The following SDC3 variants were observed in gnomAD, a reference collection of about 807,000 sequenced individuals.
SDC3 encodes syndecan-3.
In SDC3, 13 loss-of-function variants were observed where a neutral mutation model predicts 24.4. The observed-to-expected ratio is 0.53, with a 90% CI of 0.35 to 0.85. SDC3 has a LOEUF of 0.85. Among genes scored for constraint, SDC3 ranks in the 40% least tolerant of loss-of-function variants. The pLI, the probability that SDC3 is intolerant of heterozygous loss-of-function variation, is 0.01. For synonymous variants in SDC3, 295 were observed against 260.9 expected (o/e 1.13, Z -1.26); for missense variants, 571 against 584.5 (o/e 0.98, Z 0.24).
rs1160736377 is a variant in SDC3 at position 30,876,997 on chromosome 1, G to C, written c.425C>G (p.Pro142Arg). Residue 142 changes from proline (P) to arginine (R), a missense_variant, in exon 3 of 5, where the codon CCC becomes CGC. This residue lies in a region of SDC3 where 497 missense variants were observed against 471.6 expected (regional missense o/e 1.05). Transcript: ENST00000339394. The part of the protein sequence containing the change: ...ERPTLEPATS[P>R]LVVTEVPEEP... ...TTCCGGGACTTCTGTCACCACCAGG[G>C]GGCTGGTGGCTGGCTCCAGGGTGGG... 1 of 1,613,376 alleles carries C rather than the reference G, an allele frequency of 6.2e-7. No individual in the cohort carries two copies. Among genetic ancestry groups the C allele is most frequent in the East Asian group, 2.2e-5 (1 of 44,868 alleles).
chr1:30,895,642 C>T (rs4949322), intron 1 of SDC3, among the ~76,000 whole-genome samples: 29,037 of 152,030 alleles, frequency 0.19, 3,439 homozygotes, highest in Admixed American at 0.25. Flanking sequence ...GTTCTGGGGC[C>T]GGGAGGGCAA....
chr1:30,887,781 T>A (rs1248579338), intron 1 of SDC3, among the ~76,000 whole-genome samples: 4 of 152,180 alleles, frequency 2.6e-5, no homozygotes, highest in Non-Finnish European at 5.9e-5. Flanking sequence ...GTGAATACTG[T>A]GGGTTGCATC....
At chr1:30,902,796 C>T (rs1486783598) in intron 1 of SDC3, among the ~76,000 whole-genome samples, 1 of 152,350 alleles carries the variant, frequency 6.6e-6, no homozygotes, top group African/African-American at 2.4e-5. Flanking sequence ...CCCCCTGGCG[C>T]CTCCCAGCCC....
chr1:30,906,598 C>T (rs12724367), intron 1 of SDC3, among the ~76,000 whole-genome samples: 10,870 of 152,158 alleles, frequency 0.071, 544 homozygotes, highest in South Asian at 0.15. Context: ...CATTCATGTG[C>T]ACACCACATG....
At chr1:30,906,432 C>T (rs763177450) in intron 1 of SDC3, among the ~76,000 whole-genome samples, 1 of 152,240 alleles carries the variant, frequency 6.6e-6, no homozygotes. Context: ...ACCCGTGTTG[C>T]GAGGCCCTAC....
chr1:30,893,317 C>T (rs910422719), intron 1 of SDC3, among the ~76,000 whole-genome samples: 1 of 128,042 alleles, frequency 7.8e-6, no homozygotes, highest in African/African-American at 3.2e-5. Context: ...CCCCCCCCCC[C>T]ACCATGTCTC....
Position 30,876,757 on chromosome 1 carries a change from G to C in SDC3, c.665C>G (p.Ala222Gly). The C allele has an allele frequency of 6.3e-7, 1 of 1,589,108 alleles. No homozygotes were observed. The highest frequency in any genetic ancestry group is 8.6e-7 in the Non-Finnish European group (1 of 1,166,912). The change falls in exon 3 of 5, where the codon GCA becomes GGA. Residue 222 changes from alanine to glycine, a missense_variant. Physicochemically the swap from Ala to Gly is moderately conservative, Grantham distance 60. Transcript: ENST00000339394. ...LPLPLTTVAT[A>G]RATTPEAPSP... The stretch of plus-strand genomic sequence containing the variant: ...GGGCGCCTCGGGGGTAGTGGCCCGT[G>C]CCGTAGCCACTGTGGTCAGTGGGAG...
In SDC3 at chr1:30,874,555, G is replaced by A. The variant is rs765623906; in HGVS notation, c.904C>T (p.Arg302Trp). The change falls in exon 4 of 5, where the codon CGG becomes TGG. Residue 302 changes from arginine (R) to tryptophan (W), a missense_variant. Transcript: ENST00000339394. ...PTPETFLTTI[R>W]DEPEVPVSGG... The stretch of plus-strand genomic sequence containing the variant: ...CTCACCGGAACCTCTGGCTCATCCC[G>A]GATTGTGGTCAGGAAGGTCTCTGGA... The A allele has an allele frequency of 1.1e-5, 18 of 1,614,102 alleles. No individual in the cohort carries two copies. The highest frequency in any genetic ancestry group is 4.0e-5 in the African/African-American group (3 of 75,020).
chr1:30,885,946 G>A (rs978371904), intron 1 of SDC3, among the ~76,000 whole-genome samples: 28 of 152,134 alleles, frequency 1.8e-4, no homozygotes, highest in Admixed American at 7.2e-4. Context: ...GGACGCCTCC[G>A]TCACCGCCCC....
Position 30,876,859 on chromosome 1 carries a change from G to A in SDC3, c.563C>T (p.Pro188Leu), listed in dbSNP as rs1639650309. The change falls in exon 3 of 5, where the codon CCC becomes CTC. Residue 188 changes from proline (P) to leucine (L), a missense_variant. Pro to Leu is a moderately conservative substitution (Grantham distance 98, BLOSUM62 -3). Transcript: ENST00000339394. ...AAAAGGGGGTGCTGCAGGGGTGCTG[G>A]GGGTGGCGGTGGCCACTGTGGCAGG... ...TVPATVATATPSTPAAPPFTA... is the reference protein window; with the variant it reads ...TVPATVATATLSTPAAPPFTA... The A allele has an allele frequency of 1.2e-6, 2 of 1,613,458 alleles. No homozygotes were observed. The highest frequency in any genetic ancestry group is 1.7e-6 in the Non-Finnish European group (2 of 1,179,816).
chr1:30,880,235 C>A (rs111255028), intron 1 of SDC3, among the ~76,000 whole-genome samples: 1 of 151,918 alleles, frequency 6.6e-6, no homozygotes, highest in South Asian at 2.1e-4. Flanking sequence ...CTGCAGCTCC[C>A]CACAGAGATG....
chr1:30,883,643 C>A (rs1353280493), intron 1 of SDC3, among the ~76,000 whole-genome samples: 3 of 152,178 alleles, frequency 2.0e-5, no homozygotes, highest in Non-Finnish European at 4.4e-5. Flanking sequence ...ACAGCCTGCA[C>A]TTCCCACCTC....
intron 1 of SDC3, among the ~76,000 whole-genome samples, chr1:30,895,791 G>A (rs1296508046): frequency 6.8e-6 from 1 of 148,024 alleles, no homozygotes; most frequent in Non-Finnish European, 1.5e-5. Context: ...GTTCCAACCA[G>A]CCAGGGAGCA....
At chr1:30,902,380 C>T (rs1467179662) in intron 1 of SDC3, among the ~76,000 whole-genome samples, 4 of 152,006 alleles carry the variant, frequency 2.6e-5, no homozygotes, top group South Asian at 2.1e-4. Context: ...CTGGCCATGG[C>T]GGGAGGGGGG....
chr1:30,876,295 C>T (rs1639634987), intron 3 of SDC3, among the ~76,000 whole-genome samples: 1 of 152,186 alleles, frequency 6.6e-6, no homozygotes, highest in Non-Finnish European at 1.5e-5. Flanking sequence ...CCCCCCTTGT[C>T]ACCAATGCAC....
intron 1 of SDC3, 184 bp from the exon 2 acceptor site, chr1:30,878,924 G>A: frequency 1.8e-6 from 1 of 567,068 alleles, no homozygotes; most frequent in Non-Finnish European, 3.2e-6. Context: ...GGTGTGGCAA[G>A]TCACCTGGGG....
intron 1 of SDC3, among the ~76,000 whole-genome samples, chr1:30,884,377 A>T (rs1242535362): frequency 2.0e-5 from 3 of 148,878 alleles, no homozygotes; most frequent in Non-Finnish European, 4.5e-5. Context: ...CCCACCCCCT[A>T]CTCCCATCTA....
intron 1 of SDC3, among the ~76,000 whole-genome samples, chr1:30,893,315 C>G (rs987291794): frequency 7.9e-6 from 1 of 126,946 alleles, no homozygotes; most frequent in Non-Finnish European, 1.7e-5. Context: ...CCCCCCCCCC[C>G]CCACCATGTC....
At chr1:30,878,564 T>G in intron 2 of SDC3, 59 bp downstream of exon 2, 1 of 1,431,826 alleles carries the variant, frequency 7.0e-7, no homozygotes, top group Non-Finnish European at 9.8e-7. Context: ...TTCTCAGAGT[T>G]GAGGCTGGAT....
Sources: allele counts gnomAD v4.1 joint callset (sites outside exome capture counted in the v4.1 genomes callset), GRCh38; gene constraint gnomAD v4.1.1; regional missense constraint gnomAD v4.1.1; transcripts MANE v1.5; gene names NCBI Gene and HGNC (gene_info 2026-07-23, HGNC 2026-07-21).